TMEM132B: variants seen among roughly 807,000 people sequenced by gnomAD.
TMEM132B encodes transmembrane protein 132B.
A neutral mutation model predicts 90.8 loss-of-function variants in TMEM132B; 18 were observed. The observed-to-expected ratio is 0.20, with a 90% CI of 0.14 to 0.29. The LOEUF (loss-of-function observed/expected upper bound fraction) is 0.29, where lower values mean the gene tolerates loss of function less well. TMEM132B is among the 10% of genes least tolerant of loss of function. TMEM132B has a pLI of 1.00. For missense variants in TMEM132B, 1,096 were observed against 1,326.8 expected (o/e 0.83, Z 2.70); for synonymous variants, 504 against 523.3 (o/e 0.96, Z 0.50).
intron 2 of TMEM132B, among the ~76,000 whole-genome samples, chr12:125,377,109 AG>A (rs1023668243): frequency 2.0e-5 from 3 of 152,240 alleles, no homozygotes; most frequent in African/African-American, 7.2e-5. Flanking sequence ...GCTGCTATGC[AG>A]GTCTGCAAGC....
At chr12:125,514,841 G>T (rs1319056219) in intron 3 of TMEM132B, among the ~76,000 whole-genome samples, 1 of 152,134 alleles carries the variant, frequency 6.6e-6, no homozygotes, top group Non-Finnish European at 1.5e-5. Flanking sequence ...ACACTGCTGG[G>T]TTAGGTGCCC....
chr12:125,348,499 GTT>G (rs10570406), intron 1 of TMEM132B, among the ~76,000 whole-genome samples: 1,708 of 136,990 alleles, frequency 0.012, 26 homozygotes, highest in South Asian at 0.055. Context: ...TAATTTTTGT[GTT>G]TTTTTTTTTT....
intron 5 of TMEM132B, among the ~76,000 whole-genome samples, chr12:125,622,181 C>T (rs1489261202): frequency 1.3e-5 from 2 of 152,196 alleles, no homozygotes; most frequent in African/African-American, 4.8e-5. Flanking sequence ...GTTGAGTTAA[C>T]TCCCACCAGA....
At chr12:125,532,432 A>G (rs540677643) in intron 4 of TMEM132B, among the ~76,000 whole-genome samples, 13 of 152,132 alleles carry the variant, frequency 8.5e-5, no homozygotes, top group East Asian at 1.9e-4. Flanking sequence ...TGAGCCCCAA[A>G]TCCCCAAATT....
At chr12:125,230,524 A>C (rs1385768117) in intron 1 of TMEM132B, among the ~76,000 whole-genome samples, 1 of 151,634 alleles carries the variant, frequency 6.6e-6, no homozygotes, top group Non-Finnish European at 1.5e-5. Context: ...TCTGTTGCCC[A>C]GGCTGGAGTG....
intron 3 of TMEM132B, among the ~76,000 whole-genome samples, chr12:125,472,284 C>A (rs961878803): frequency 6.6e-6 from 1 of 152,172 alleles, no homozygotes; most frequent in African/African-American, 2.4e-5. Context: ...GTGTGGTTGG[C>A]AAGCTCCTGA....
In TMEM132B at chr12:125,251,041, C is replaced by A. The variant is rs551112500; in HGVS notation, c.67+64175C>A. ...TTCTCTAAAAAGAAGAGATCATTTCCGACTATTGCTAATTTAACAATAAGT... is the reference window on the plus strand; with the variant it reads ...TTCTCTAAAAAGAAGAGATCATTTCAGACTATTGCTAATTTAACAATAAGT... On this transcript the variant is annotated intron_variant, in intron 1 of 8. Coordinates refer to ENST00000682704, the MANE Select transcript of TMEM132B (RefSeq NM_001366854.1). The surrounding 1 kb of genome is among the most constrained non-coding windows in gnomAD (Gnocchi z 4.4). Among the ~76,000 whole-genome samples, 2 of 152,066 alleles carry A rather than the reference C, an allele frequency of 1.3e-5. No individual in the cohort carries two copies. Among genetic ancestry groups the A allele is most frequent in the African/African-American group, 4.8e-5 (2 of 41,398 alleles).
At chr12:125,437,296 T>C (rs1880735297) in intron 3 of TMEM132B, among the ~76,000 whole-genome samples, 1 of 152,202 alleles carries the variant, frequency 6.6e-6, no homozygotes, top group African/African-American at 2.4e-5. Context: ...AATCTTAATG[T>C]AACATGACTT....
rs1882319793 is a variant in TMEM132B at position 125,490,500 on chromosome 12, G to A, written c.1107-28939G>A. Among the ~76,000 whole-genome samples the A allele has an allele frequency of 6.6e-6, 1 of 152,052 alleles. No homozygotes were observed. Among genetic ancestry groups the A allele is most frequent in the Non-Finnish European group, 1.5e-5 (1 of 68,010 alleles). ...ATTTTTTGAGACAGAGCCTTGCTCT[G>A]TCACCCAGGCTGGAGTGCAGTGGCT... On this transcript the variant is annotated intron_variant, in intron 3 of 8. Transcript: ENST00000682704. This position sits in a 1 kb window ranked among gnomAD's most constrained non-coding sequence, Gnocchi z 4.2.
At chr12:125,505,308 C>T (rs1882818625) in intron 3 of TMEM132B, among the ~76,000 whole-genome samples, 1 of 151,152 alleles carries the variant, frequency 6.6e-6, no homozygotes, top group African/African-American at 2.4e-5. Flanking sequence ...AAAATATGCT[C>T]CTACTGAAAG....
intron 3 of TMEM132B, among the ~76,000 whole-genome samples, chr12:125,468,246 T>C (rs1881620595): frequency 6.6e-6 from 1 of 151,788 alleles, no homozygotes; most frequent in Non-Finnish European, 1.5e-5. Context: ...AAGGTTCCAA[T>C]TTCTCCACAT....
intron 3 of TMEM132B, among the ~76,000 whole-genome samples, chr12:125,494,858 A>G (rs570227030): frequency 9.7e-3 from 65 of 6,690 alleles, no homozygotes; most frequent in Non-Finnish European, 0.011. Flanking sequence ...GGAAATGGCC[A>G]CGCCCCTCCT....
At chr12:125,433,242 A>G (rs1476708417) in intron 3 of TMEM132B, among the ~76,000 whole-genome samples, 2 of 152,134 alleles carry the variant, frequency 1.3e-5, no homozygotes. Flanking sequence ...ATTAGTTTTA[A>G]AGGACTGGAA....
intron 5 of TMEM132B, among the ~76,000 whole-genome samples, chr12:125,637,283 G>A (rs1196153911): frequency 6.6e-6 from 1 of 152,194 alleles, no homozygotes; most frequent in African/African-American, 2.4e-5. Context: ...TCAACATACA[G>A]CGGGGATCAG....
chr12:125,408,114 G>A lies in TMEM132B; in HGVS notation c.960-7417G>A, dbSNP rs1000248556. Among the ~76,000 whole-genome samples the A allele has an allele frequency of 1.3e-5, 2 of 152,190 alleles. No homozygotes were observed. The highest frequency in any genetic ancestry group is 4.1e-4 in the South Asian group (2 of 4,832). ...TGCCTGCTTCTGACTTTCCACGAAC[G>A]GAATTGCACAGTGCGCGCTTTTGGT... On this transcript the variant is annotated intron_variant, in intron 2 of 8. Coordinates refer to ENST00000682704, the MANE Select transcript of TMEM132B (RefSeq NM_001366854.1). The surrounding 1 kb of genome is among the most constrained non-coding windows in gnomAD (Gnocchi z 5.9).
intron 3 of TMEM132B, among the ~76,000 whole-genome samples, chr12:125,485,458 C>G (rs943087586): frequency 6.6e-6 from 1 of 152,188 alleles, no homozygotes; most frequent in Non-Finnish European, 1.5e-5. Context: ...TATTAGCACA[C>G]TGTCATGTAA....
intron 4 of TMEM132B, among the ~76,000 whole-genome samples, chr12:125,547,593 A>G (rs973488268): frequency 6.6e-5 from 10 of 152,096 alleles, no homozygotes; most frequent in Admixed American, 3.9e-4. Flanking sequence ...TCTGGTAGGT[A>G]GTTAACTTGT....
intron 1 of TMEM132B, among the ~76,000 whole-genome samples, chr12:125,343,503 A>G (rs1877260053): frequency 6.6e-6 from 1 of 152,202 alleles, no homozygotes; most frequent in Non-Finnish European, 1.5e-5. Flanking sequence ...CCTTGGCCTC[A>G]TTGTAGAACT....
chr12:125,484,021 G>A (rs1346244668), intron 3 of TMEM132B, among the ~76,000 whole-genome samples: 3 of 152,072 alleles, frequency 2.0e-5, no homozygotes, highest in Admixed American at 6.6e-5. Context: ...GCTATAAGCT[G>A]AGCAGGCACC....
Sources: allele counts gnomAD v4.1 joint callset (sites outside exome capture counted in the v4.1 genomes callset), GRCh38; gene constraint gnomAD v4.1.1; non-coding constraint Gnocchi (gnomAD v3.1); transcripts MANE v1.5; gene names NCBI Gene and HGNC (gene_info 2026-07-23, HGNC 2026-07-21).